The following TRIM29 variants were observed in gnomAD, a reference collection of about 807,000 sequenced individuals.
TRIM29 encodes the protein tripartite motif containing 29, also known as tripartite motif-containing protein 29.
A neutral mutation model predicts 57.3 loss-of-function variants in TRIM29; 52 were observed. That is an observed-to-expected ratio of 0.91 (90% CI 0.73 to 1.14). The LOEUF (loss-of-function observed/expected upper bound fraction) is 1.14, where lower values mean the gene tolerates loss of function less well. Among genes scored for constraint, TRIM29 ranks in the 50% most tolerant of loss-of-function variants. TRIM29 has a pLI of 0.00. For missense variants in TRIM29, 753 were observed against 774.6 expected, an observed-to-expected ratio of 0.97 and a Z score of 0.33; for synonymous variants, 319 against 316.9, an observed-to-expected ratio of 1.01 and a Z score of -0.07.
At chr11:120,127,886 C>T (rs1863628810) in intron 2 of TRIM29, among the ~76,000 whole-genome samples, 3 of 152,114 alleles carry the variant, frequency 2.0e-5, no homozygotes, top group Admixed American at 2.0e-4. Flanking sequence ...CTCCCTGAAA[C>T]CCTAACCAGA....
chr11:120,132,252 T>C (rs1414991687), intron 1 of TRIM29, among the ~76,000 whole-genome samples: 2 of 148,886 alleles, frequency 1.3e-5, no homozygotes, highest in Admixed American at 6.7e-5. Context: ...CATTGTCCTC[T>C]GAGGCCCCAG....
intron 6 of TRIM29, among the ~76,000 whole-genome samples, chr11:120,120,354 C>CACATGT (rs1306090747): frequency 2.8e-4 from 2 of 7,242 alleles, no homozygotes; most frequent in Non-Finnish European, 8.0e-4. Context: ...TACACACACA[C>CACATGT]ACACACACAC....
chr11:120,128,010 G>T (rs941082818), intron 2 of TRIM29, among the ~76,000 whole-genome samples: 10 of 152,140 alleles, frequency 6.6e-5, no homozygotes, highest in Non-Finnish European at 1.5e-4. Flanking sequence ...TTCAGATTGT[G>T]GTTTGCAATT....
rs747810381 is a variant in TRIM29 at position 120,123,196 on chromosome 11, G to A, written c.1334-141C>T. 3.5e-4 allele frequency: 255 copies of A among 729,130 alleles called. 1 individual carries two copies. The highest frequency in any genetic ancestry group is 5.4e-4 in the Non-Finnish European group (218 of 404,982). 45.2% of individuals were successfully genotyped at this position (729,130 alleles called of 1,614,324 possible). ...AGATCCAAGTTTCCCCAACCTCTCA[G>A]AGAATATGACGCCCTGCCCAGCATT... On this transcript the variant is annotated intron_variant, in intron 4 of 8. Transcript: ENST00000341846.
At chr11:120,131,435 G>A (rs540600343) in intron 1 of TRIM29, among the ~76,000 whole-genome samples, 4 of 152,206 alleles carry the variant, frequency 2.6e-5, no homozygotes, top group East Asian at 1.9e-4. Context: ...AGGTGTTGGC[G>A]GATGATGTGG....
chr11:120,119,184 A>G (rs606970), intron 6 of TRIM29, among the ~76,000 whole-genome samples: 70,194 of 152,086 alleles, frequency 0.46, 16,470 homozygotes, highest in East Asian at 0.64. Flanking sequence ...GCAGTGGGAA[A>G]GGGGTGGGAG....
chr11:120,134,052 T>C (rs1863769703), intron 1 of TRIM29, among the ~76,000 whole-genome samples: 1 of 152,066 alleles, frequency 6.6e-6, no homozygotes, highest in South Asian at 2.1e-4. Flanking sequence ...CAGAAAGGGA[T>C]GTATGTGTAC....
At position 120,125,945 on chromosome 11, in the gene TRIM29, G is replaced by A. The variant is rs117860386; in HGVS notation, c.1135-56C>T. The A allele has an allele frequency of 2.7e-3, 4,203 of 1,552,722 alleles. 118 individuals are homozygous for A. In the Admixed American group the frequency reaches 0.051, roughly 19 times the overall value. On this transcript the variant is annotated intron_variant, in intron 3 of 8. Coordinates refer to ENST00000341846, the MANE Select transcript of TRIM29 (RefSeq NM_012101.4). Reference sequence around the variant, plus strand: ...CTGGGTCTTCATGAGCTATGAGGACGCTTCTCTGCCAGGGGCTCTCACAGT... The same window carrying A: ...CTGGGTCTTCATGAGCTATGAGGACACTTCTCTGCCAGGGGCTCTCACAGT...
intron 1 of TRIM29, among the ~76,000 whole-genome samples, chr11:120,129,628 G>GTT (rs1268902473): frequency 1.3e-5 from 2 of 152,146 alleles, no homozygotes; most frequent in African/African-American, 4.8e-5. Context: ...AACACCATGC[G>GTT]GCACACCTTC....
At position 120,112,067 on chromosome 11, in the gene TRIM29, C is replaced by T. The variant is rs1863147567; in HGVS notation, c.*347G>A. ...CGTGGGCGGGAGAGGCAGGCTGATA[C>T]CATGCGGGTACTCACTGCTAGCCCC... On this transcript the variant is annotated 3_prime_UTR_variant, in exon 9 of 9. Coordinates refer to ENST00000341846, the MANE Select transcript of TRIM29 (RefSeq NM_012101.4). The T allele has an allele frequency of 3.3e-6, 1 of 305,470 alleles. No individual in the cohort carries two copies. The highest frequency in any genetic ancestry group is 2.3e-5 in the African/African-American group (1 of 44,010). 18.9% of individuals were successfully genotyped at this position (305,470 alleles called of 1,614,324 possible).
chr11:120,125,803 C>A lies in TRIM29; in HGVS notation c.1221G>T (p.Gln407His). ...GGTCGTCCTTGAAGTTGCCTAGTGA[C>A]TGTCCCAGGCCCTCCCCCTCCAGCA... The part of the protein sequence containing the change: ...HVLLEGEGLG[Q>H]SLGNFKDDLL... The change falls in exon 4 of 9, where the codon CAG becomes CAT. Residue 407 changes from glutamine (Q) to histidine (H), a missense_variant. Physicochemically the swap from Gln to His is conservative, Grantham distance 24. Transcript: ENST00000341846. 1 of 1,614,182 alleles carries A rather than the reference C, an allele frequency of 6.2e-7. No homozygotes were observed. The highest frequency in any genetic ancestry group is 1.1e-5 in the South Asian group (1 of 91,080).
intron 5 of TRIM29, chr11:120,122,120 T>TTGTG (rs1407082874): frequency 9.3e-6 from 3 of 321,628 alleles, no homozygotes; most frequent in African/African-American, 3.0e-5. Context: ...GCCTCTCCCA[T>TTGTG]TGTGTGTGTG....
chr11:120,123,646 G>T (rs1446618518), intron 4 of TRIM29, among the ~76,000 whole-genome samples: 1 of 152,184 alleles, frequency 6.6e-6, no homozygotes, highest in African/African-American at 2.4e-5. Flanking sequence ...AACTCAAACA[G>T]ATCTGCTGCT....
rs974565182 is a variant in TRIM29, at chr11:120,118,166, C to T, written c.1627+57G>A. 5.3e-6 allele frequency: 8 copies of T among 1,500,632 alleles called. 1 individual carries two copies. Among genetic ancestry groups the T allele is most frequent in the Middle Eastern group, 1.8e-4 (1 of 5,516 alleles). 93.0% of individuals were successfully genotyped at this position (1,500,632 alleles called of 1,614,324 possible). ...GCTCAGCGAAGAGACCCAAGCAGGG[C>T]TTGGGAGGTGTGAGGCAGCTGTGGA... On this transcript the variant is annotated intron_variant, in intron 7 of 8. Coordinates refer to ENST00000341846, the MANE Select transcript of TRIM29 (RefSeq NM_012101.4).
intron 7 of TRIM29, chr11:120,115,725 A>C: frequency 3.1e-6 from 1 of 318,296 alleles, no homozygotes; most frequent in South Asian, 4.0e-5. Flanking sequence ...AGGGATTTCC[A>C]CTCACCCACC....
chr11:120,119,244 C>A (rs567220576), intron 6 of TRIM29, among the ~76,000 whole-genome samples: 3 of 152,316 alleles, frequency 2.0e-5, no homozygotes, highest in African/African-American at 7.2e-5. Flanking sequence ...TCAGAGTCCC[C>A]ATGGGTGACG....
At chr11:120,123,237 C>G in intron 4 of TRIM29, 182 bp from the exon 5 acceptor site, 1 of 700,232 alleles carries the variant, frequency 1.4e-6, no homozygotes, top group Non-Finnish European at 2.6e-6. Flanking sequence ...GGTTCCTGAG[C>G]TCTTGGTGGA....
intron 6 of TRIM29, among the ~76,000 whole-genome samples, chr11:120,119,912 A>G (rs1335063388): frequency 6.6e-6 from 1 of 152,150 alleles, no homozygotes; most frequent in Non-Finnish European, 1.5e-5. Context: ...TGGTCCCCTC[A>G]GAGCACTGGG....
intron 8 of TRIM29, 120 bp from the exon 9 acceptor site, chr11:120,112,596 G>A (rs1863162293): frequency 2.0e-6 from 2 of 977,204 alleles, no homozygotes; most frequent in African/African-American, 1.7e-5. Flanking sequence ...CAATTCTAGG[G>A]GCCTTTTTGG....
Sources: gnomAD v4.1 joint callset for allele counts (sites outside exome capture counted in the v4.1 genomes callset) on GRCh38, gnomAD v4.1.1 for gene constraint, MANE v1.5 for transcripts, NCBI Gene and HGNC (gene_info 2026-07-23, HGNC 2026-07-21) for gene names.